The following SGCZ variants were observed in gnomAD, a reference collection of about 807,000 sequenced individuals.
The protein encoded by SGCZ is sarcoglycan zeta.
Under a neutral mutation model 41.3 loss-of-function variants are expected in SGCZ, and 40 were observed. That is an observed-to-expected ratio of 0.97 (90% CI 0.75 to 1.26). The LOEUF (loss-of-function observed/expected upper bound fraction) is 1.26. Among genes scored for constraint, SGCZ ranks in the 50% most tolerant of loss-of-function variants. The pLI, the probability that SGCZ is intolerant of heterozygous loss-of-function variation, is 0.00. For missense variants in SGCZ, 552 were observed against 369.8 expected (o/e 1.49, Z -4.04); for synonymous variants, 206 against 137.5 (o/e 1.50, Z -3.49).
At chr8:15,088,864 T>C (rs561683116) in intron 1 of SGCZ, among the ~76,000 whole-genome samples, 4 of 152,218 alleles carry the variant, frequency 2.6e-5, no homozygotes, top group African/African-American at 9.6e-5. Context: ...TGCAAACAAA[T>C]AATGGTTTGT....
At chr8:15,145,803 T>A (rs1384872053) in intron 1 of SGCZ, among the ~76,000 whole-genome samples, 1 of 152,188 alleles carries the variant, frequency 6.6e-6, no homozygotes, top group Non-Finnish European at 1.5e-5. Flanking sequence ...TTTAGACTGA[T>A]GTGAAGACTA....
intron 1 of SGCZ, among the ~76,000 whole-genome samples, chr8:14,727,891 C>A (rs1320397254): frequency 6.6e-6 from 1 of 152,106 alleles, no homozygotes; most frequent in East Asian, 1.9e-4. Flanking sequence ...TTGTGTTATA[C>A]ACATAATGAA....
chr8:14,369,482 G>A (rs899457608), intron 2 of SGCZ, among the ~76,000 whole-genome samples: 1 of 151,938 alleles, frequency 6.6e-6, no homozygotes, highest in Non-Finnish European at 1.5e-5. Context: ...CTCAATGGCA[G>A]TTTATCCCAT....
At chr8:14,959,871 C>A (rs1800908983) in intron 1 of SGCZ, among the ~76,000 whole-genome samples, 1 of 152,150 alleles carries the variant, frequency 6.6e-6, no homozygotes, top group Non-Finnish European at 1.5e-5. Context: ...ATACAGGGAG[C>A]AGGTAATTAG....
chr8:14,599,865 C>G (rs1805531306), intron 1 of SGCZ, among the ~76,000 whole-genome samples: 1 of 152,124 alleles, frequency 6.6e-6, no homozygotes, highest in African/African-American at 2.4e-5. Flanking sequence ...AGACCCTTGA[C>G]TCCACACTCT....
intron 2 of SGCZ, among the ~76,000 whole-genome samples, chr8:14,545,948 C>T (rs373494595): frequency 2.6e-5 from 4 of 152,214 alleles, no homozygotes; most frequent in African/African-American, 9.6e-5. Context: ...GAACTTATCA[C>T]TTGGTAGTTG....
intron 1 of SGCZ, among the ~76,000 whole-genome samples, chr8:14,974,266 G>C (rs1203289206): frequency 1.3e-5 from 2 of 151,956 alleles, no homozygotes; most frequent in African/African-American, 2.4e-5. Flanking sequence ...ATGTAAAACA[G>C]AAACAAAAAA....
chr8:14,119,431 AT>A (rs2117031453), intron 5 of SGCZ, among the ~76,000 whole-genome samples: 1 of 152,182 alleles, frequency 6.6e-6, no homozygotes, highest in East Asian at 1.9e-4. Context: ...GAGTTTCCTG[AT>A]TTTGCTTATG....
chr8:14,392,183 C>T (rs1042103470), intron 2 of SGCZ, among the ~76,000 whole-genome samples: 23 of 152,084 alleles, frequency 1.5e-4, no homozygotes, highest in Non-Finnish European at 3.2e-4. Context: ...ATAATAGCTA[C>T]ACTTTAATGC....
intron 1 of SGCZ, among the ~76,000 whole-genome samples, chr8:15,192,700 T>C (rs944790013): frequency 3.3e-5 from 5 of 152,116 alleles, no homozygotes; most frequent in Non-Finnish European, 5.9e-5. Context: ...AGTTCTATGA[T>C]AAGTTGTACA....
intron 1 of SGCZ, among the ~76,000 whole-genome samples, chr8:15,098,089 G>T (rs1275847980): frequency 2.6e-5 from 4 of 151,540 alleles, no homozygotes; most frequent in African/African-American, 9.7e-5. Flanking sequence ...CCTTGAATAT[G>T]AAGTACTGAT....
intron 7 of SGCZ, among the ~76,000 whole-genome samples, chr8:14,100,986 AT>A (rs1802002195): frequency 6.6e-6 from 1 of 152,278 alleles, no homozygotes; most frequent in South Asian, 2.1e-4. Flanking sequence ...AATACAACAG[AT>A]TTACACTGTC....
chr8:14,585,076 A>C (rs541662160), intron 1 of SGCZ, among the ~76,000 whole-genome samples: 1 of 152,284 alleles, frequency 6.6e-6, no homozygotes, highest in South Asian at 2.1e-4. Context: ...AATAAATGTG[A>C]AGTATTCTGA....
rs572180779 is a variant in SGCZ, at chr8:14,657,400, G to A, written c.40-102474C>T. ...TATGCATCAATACGCATATTTGACA[G>A]CTAATATTAAAATGGGGATATATTT... On this transcript the variant is annotated intron_variant, in intron 1 of 7. Coordinates refer to ENST00000382080, the MANE Select transcript of SGCZ (RefSeq NM_139167.4). Among the ~76,000 whole-genome samples, 8 of 152,054 alleles carry A rather than the reference G, an allele frequency of 5.3e-5. No homozygotes were observed. The Middle Eastern group carries it at 0.01, about 194-fold the overall frequency.
intron 1 of SGCZ, among the ~76,000 whole-genome samples, chr8:15,139,387 G>C (rs943589077): frequency 6.6e-6 from 1 of 152,048 alleles, no homozygotes; most frequent in Non-Finnish European, 1.5e-5. Flanking sequence ...CTTTAAGTTG[G>C]GACTTAATAA....
intron 2 of SGCZ, among the ~76,000 whole-genome samples, chr8:14,468,514 G>C (rs1040665205): frequency 6.6e-6 from 1 of 151,890 alleles, no homozygotes; most frequent in African/African-American, 2.4e-5. Flanking sequence ...TTATCTTCTA[G>C]TTTATTAGAT....
At chr8:14,196,218 C>G (rs1563179548) in intron 4 of SGCZ, among the ~76,000 whole-genome samples, 1 of 150,770 alleles carries the variant, frequency 6.6e-6, no homozygotes, top group East Asian at 1.9e-4. Flanking sequence ...AATGAAGCAA[C>G]TAAATCAATA....
Position 14,703,491 on chromosome 8 carries a change from C to T in SGCZ, c.40-148565G>A, listed in dbSNP as rs374498025. Among the ~76,000 whole-genome samples the T allele has an allele frequency of 5.9e-5, 9 of 152,120 alleles. No individual in the cohort carries two copies. The East Asian group carries it at 1.2e-3, about 20-fold the overall frequency. On this transcript the variant is annotated intron_variant, in intron 1 of 7. Transcript: ENST00000382080. ...GTCACTGTCAACACTCTCCAACTCTCACATTGCTTTATCTTTTCCTCATAT... is the reference window on the plus strand; with the variant it reads ...GTCACTGTCAACACTCTCCAACTCTTACATTGCTTTATCTTTTCCTCATAT...
At chr8:14,167,041 T>G (rs898524526) in intron 4 of SGCZ, among the ~76,000 whole-genome samples, 7 of 152,148 alleles carry the variant, frequency 4.6e-5, no homozygotes, top group African/African-American at 1.7e-4. Context: ...TAGCAATGCA[T>G]TGATAGTACA....
Sources: allele counts gnomAD v4.1 joint callset (sites outside exome capture counted in the v4.1 genomes callset), GRCh38; gene constraint gnomAD v4.1.1; transcripts MANE v1.5; gene names NCBI Gene and HGNC (gene_info 2026-07-23, HGNC 2026-07-21).